The following EXOC6B variants were observed in gnomAD, a reference collection of about 807,000 sequenced individuals.
EXOC6B encodes the protein exocyst complex component 6B.
In EXOC6B, 54 loss-of-function variants were observed where a neutral mutation model predicts 113.5. That is an observed-to-expected ratio of 0.48 (90% confidence interval 0.38 to 0.60). EXOC6B has a LOEUF of 0.60. Ranked by LOEUF, EXOC6B falls within the 20% of genes least tolerant of loss-of-function variation. EXOC6B has a pLI of 0.00. For missense variants in EXOC6B, 797 were observed against 977.5 expected (o/e 0.82, Z 2.46); for synonymous variants, 357 against 339.0 (o/e 1.05, Z -0.58).
chr2:72,498,634 G>T (rs1468735823), intron 12 of EXOC6B, 83 bp from the exon 13 acceptor site: 25 of 733,396 alleles, frequency 3.4e-5, no homozygotes, highest in Non-Finnish European at 5.4e-5. Flanking sequence ...AAAATGAGAG[G>T]GATAAGATAC....
At chr2:72,484,716 G>A (rs569219820) in intron 16 of EXOC6B, among the ~76,000 whole-genome samples, 10 of 152,010 alleles carry the variant, frequency 6.6e-5, no homozygotes, top group Non-Finnish European at 1.0e-4. Flanking sequence ...TTTTCTGTTC[G>A]TGTGTTAGTT....
rs375346794 is a variant in EXOC6B at position 72,277,118 on chromosome 2, A to G, written c.2196+57829T>C. Reference sequence around the variant, plus strand: ...TAATTTTTGGTTGCTGCAAGACCATAAAGCATTTAGTTAAGTGCCCTCCCA... The same window carrying G: ...TAATTTTTGGTTGCTGCAAGACCATGAAGCATTTAGTTAAGTGCCCTCCCA... On this transcript the variant is annotated intron_variant, in intron 20 of 21. Coordinates refer to ENST00000272427, the MANE Select transcript of EXOC6B (RefSeq NM_015189.3). Among the ~76,000 whole-genome samples, 13 of 152,304 alleles carry G rather than the reference A, an allele frequency of 8.5e-5. No individual in the cohort carries two copies. In the East Asian group the frequency reaches 1.2e-3, roughly 14 times the overall value.
intron 20 of EXOC6B, among the ~76,000 whole-genome samples, chr2:72,193,911 T>C (rs1679003668): frequency 6.6e-6 from 1 of 152,194 alleles, no homozygotes; most frequent in Non-Finnish European, 1.5e-5. Flanking sequence ...GTAAATAAAG[T>C]TTTGTTGAAA....
chr2:72,281,159 T>C (rs1403299462), intron 20 of EXOC6B, among the ~76,000 whole-genome samples: 2 of 152,184 alleles, frequency 1.3e-5, no homozygotes, highest in African/African-American at 4.8e-5. Flanking sequence ...TTCGAAAAAC[T>C]ACATTGCTGC....
chr2:72,782,381 A>G (rs1684103982), intron 1 of EXOC6B, among the ~76,000 whole-genome samples: 1 of 151,948 alleles, frequency 6.6e-6, no homozygotes, highest in Non-Finnish European at 1.5e-5. Flanking sequence ...TTTCTTTTTT[A>G]TTTTTTAAAA....
At chr2:72,517,600 C>G (rs986135535) in intron 8 of EXOC6B, among the ~76,000 whole-genome samples, 1 of 152,148 alleles carries the variant, frequency 6.6e-6, no homozygotes, top group African/African-American at 2.4e-5. Flanking sequence ...GTCACCATTT[C>G]ACAGCATAGT....
At chr2:72,674,466 T>C (rs1676138094) in intron 6 of EXOC6B, among the ~76,000 whole-genome samples, 1 of 152,260 alleles carries the variant, frequency 6.6e-6, no homozygotes, top group Non-Finnish European at 1.5e-5. Context: ...TAACGTAAGA[T>C]GCATTTCTAC....
intron 19 of EXOC6B, among the ~76,000 whole-genome samples, chr2:72,361,303 C>T (rs1169732855): frequency 2.0e-5 from 3 of 152,156 alleles, no homozygotes; most frequent in Admixed American, 2.0e-4. Flanking sequence ...AATGTAGTAA[C>T]TAGTAGTTAC....
chr2:72,506,810 T>G (rs1038787444), intron 11 of EXOC6B, among the ~76,000 whole-genome samples: 4 of 152,170 alleles, frequency 2.6e-5, no homozygotes, highest in Non-Finnish European at 4.4e-5. Context: ...CTTGGCTATT[T>G]GTTCATATTT....
At chr2:72,675,111 G>A (rs1325768382) in intron 6 of EXOC6B, among the ~76,000 whole-genome samples, 1 of 152,150 alleles carries the variant, frequency 6.6e-6, no homozygotes, top group Non-Finnish European at 1.5e-5. Context: ...ACTATGATTT[G>A]TACAGGTATA....
intron 18 of EXOC6B, among the ~76,000 whole-genome samples, chr2:72,385,311 A>T (rs565513775): frequency 7.2e-5 from 11 of 152,292 alleles, no homozygotes; most frequent in African/African-American, 2.2e-4. Flanking sequence ...CACACGCATA[A>T]GAATGAAATT....
At chr2:72,329,189 T>C (rs915633324) in intron 20 of EXOC6B, among the ~76,000 whole-genome samples, 1 of 152,112 alleles carries the variant, frequency 6.6e-6, no homozygotes, top group Non-Finnish European at 1.5e-5. Context: ...AACTGCTCAG[T>C]AGCTGTTCAG....
At chr2:72,571,441 A>G (rs566013983) in intron 7 of EXOC6B, among the ~76,000 whole-genome samples, 2 of 152,296 alleles carry the variant, frequency 1.3e-5, no homozygotes, top group East Asian at 3.9e-4. Flanking sequence ...ATGGTTAAAT[A>G]TCAGCAGCTT....
intron 11 of EXOC6B, 54 bp downstream of exon 11, chr2:72,513,078 G>T: frequency 6.3e-7 from 1 of 1,596,956 alleles, no homozygotes; most frequent in Non-Finnish European, 8.6e-7. Flanking sequence ...GTAAAACACT[G>T]AATATATAGA....
chr2:72,691,846 T>A (rs1039551369), intron 6 of EXOC6B, among the ~76,000 whole-genome samples: 4 of 105,712 alleles, frequency 3.8e-5, no homozygotes, highest in Non-Finnish European at 7.4e-5. Context: ...CCCACCTGGA[T>A]TTTTTTTTTC....
intron 20 of EXOC6B, among the ~76,000 whole-genome samples, chr2:72,260,643 T>C (rs918400464): frequency 6.6e-6 from 1 of 152,066 alleles, no homozygotes; most frequent in African/African-American, 2.4e-5. Flanking sequence ...GGAGTAAAAA[T>C]GAGCCATCCA....
At chr2:72,575,770 A>T (rs1704809214) in intron 6 of EXOC6B, 102 bp from the exon 7 acceptor site, 1 of 1,080,406 alleles carries the variant, frequency 9.3e-7, no homozygotes, top group African/African-American at 1.6e-5. Context: ...TAAGCTTTCA[A>T]CAAACTTCTA....
chr2:72,787,152 GA>G lies in EXOC6B; in HGVS notation c.113+38645del, dbSNP rs919837811. ...TGGTACCAAGTATGAATTCATCTCA[GA>G]AAACCTTTAAAAAGTCATCTCAATC... On this transcript the variant is annotated intron_variant, in intron 1 of 21. Transcript: ENST00000272427. Among the ~76,000 whole-genome samples the G allele has an allele frequency of 8.4e-4, 128 of 152,096 alleles. 1 individual carries two copies. The highest frequency in any genetic ancestry group is 2.7e-3 in the African/African-American group (112 of 41,538).
chr2:72,326,136 A>G (rs1688112991), intron 20 of EXOC6B, among the ~76,000 whole-genome samples: 1 of 152,092 alleles, frequency 6.6e-6, no homozygotes, highest in African/African-American at 2.4e-5. Context: ...GCAGTTAACG[A>G]AGATGAGATT....
Sources: allele counts gnomAD v4.1 joint callset (sites outside exome capture counted in the v4.1 genomes callset), GRCh38; gene constraint gnomAD v4.1.1; transcripts MANE v1.5; gene names NCBI Gene and HGNC (gene_info 2026-07-23, HGNC 2026-07-21).